BCCIP: variants seen among roughly 807,000 people sequenced by gnomAD.
BCCIP encodes the protein BRCA2 and CDKN1A-interacting protein.
A neutral mutation model predicts 32.8 loss-of-function variants in BCCIP; 23 were observed. That is an observed-to-expected ratio of 0.70 (90% CI 0.51 to 0.99). The LOEUF (loss-of-function observed/expected upper bound fraction) is 0.99. BCCIP is among the 50% of genes least tolerant of loss of function. The probability of loss-of-function intolerance (pLI) is 0.00; values close to 1 mark genes in which losing one functional copy is unlikely to be tolerated. For missense variants in BCCIP, 378 were observed against 379.8 expected, an observed-to-expected ratio of 1.00 and a Z score of 0.04; for synonymous variants, 144 against 137.6, an observed-to-expected ratio of 1.05 and a Z score of -0.33.
chr10:125,839,009 A>C, downstream of BCCIP: 1 of 1,613,796 alleles, frequency 6.2e-7, no homozygotes, highest in Middle Eastern at 1.7e-4. Flanking sequence ...ACCTGCATAA[A>C]GTAACCGGAC....
chr10:125,831,523 C>T lies in BCCIP; in HGVS notation c.515C>T (p.Thr172Ile). The change falls in exon 5 of 7, where the codon ACC becomes ATC. Residue 172 changes from threonine to isoleucine, a missense_variant. Transcript: ENST00000278100. ...VEQLDKFLND[T>I]TKPVGLLLSE... ...CAGCTGGACAAGTTTTTAAATGACA[C>T]CACCAAGCCTGTGGGCCTTCTCCTA... 1 of 1,614,198 alleles carries T rather than the reference C, an allele frequency of 6.2e-7. No individual in the cohort carries two copies. Among genetic ancestry groups the T allele is most frequent in the South Asian group, 1.1e-5 (1 of 91,086 alleles).
downstream of BCCIP, among the ~76,000 whole-genome samples, chr10:125,837,961 C>T (rs1207389598): frequency 6.6e-6 from 1 of 152,160 alleles, no homozygotes; most frequent in South Asian, 2.1e-4. Context: ...AGCATTCTGT[C>T]CTTCTTAAAG....
At chr10:125,850,267 C>A (rs1215361762) in intron 7 of BCCIP, among the ~76,000 whole-genome samples, 1 of 151,760 alleles carries the variant, frequency 6.6e-6, no homozygotes, top group East Asian at 1.9e-4. Context: ...TGTGAGCCAC[C>A]ATGCCCAGCC....
At chr10:125,852,683 A>T in intron 7 of BCCIP, 1 of 1,547,054 alleles carries the variant, frequency 6.5e-7, no homozygotes. Context: ...CAGATAAGTC[A>T]TGATTCAGTA....
At chr10:125,826,996 T>TAA in intron 2 of BCCIP, among the ~76,000 whole-genome samples, 1 of 129,314 alleles carries the variant, frequency 7.7e-6, no homozygotes, top group East Asian at 2.2e-4. Context: ...CCTCTGTCTC[T>TAA]AAAAAAAAAG....
chr10:125,852,199 C>T, intron 7 of BCCIP: 1 of 1,455,080 alleles, frequency 6.9e-7, no homozygotes, highest in East Asian at 2.4e-5. Context: ...TGCTTGTGTG[C>T]ATTGCTGCGC....
Position 125,852,354 on chromosome 10 carries a change from C to T in BCCIP, c.851-771C>T. On this transcript the variant is annotated intron_variant, in intron 7 of 7. Transcript: ENST00000368759. ...CAATGTCTATCCTCTTCATAAAAAG[C>T]ACCATGCTTGTTAGGTTGGCTTCCT... The T allele has an allele frequency of 1.2e-6, 2 of 1,614,196 alleles. No individual in the cohort carries two copies. The highest frequency in any genetic ancestry group is 2.2e-5 in the East Asian group (1 of 44,890).
At chr10:125,825,866 T>C (rs1245185286) in intron 1 of BCCIP, 1 of 152,256 alleles carries the variant, frequency 6.6e-6, no homozygotes, top group Non-Finnish European at 1.5e-5. Context: ...TTCTGTTGTC[T>C]TGCAGATAGA....
At chr10:125,827,523 G>T (rs1854425800) in intron 2 of BCCIP, 35 bp from the exon 3 acceptor site, 1 of 1,356,688 alleles carries the variant, frequency 7.4e-7, no homozygotes, top group East Asian at 2.3e-5. Context: ...ATCATGCTTT[G>T]ATCTTAATTT....
exon 8 of BCCIP, chr10:125,853,338 G>T: frequency 1.5e-6 from 1 of 646,878 alleles, no homozygotes; most frequent in Non-Finnish European, 2.4e-6. Context: ...TGTTAGTTTC[G>T]TTTGAGATCT....
At chr10:125,851,874 T>G (rs1183359619) in intron 7 of BCCIP, among the ~76,000 whole-genome samples, 1 of 133,584 alleles carries the variant, frequency 7.5e-6, no homozygotes, top group Non-Finnish European at 1.5e-5. Flanking sequence ...TGAGCTATGA[T>G]CACGCCACTG....
intron 4 of BCCIP, among the ~76,000 whole-genome samples, chr10:125,830,872 G>C (rs778731807): frequency 2.6e-5 from 4 of 152,198 alleles, no homozygotes; most frequent in African/African-American, 7.2e-5. Flanking sequence ...GGAATCATCT[G>C]GCTTTGCAGT....
At chr10:125,826,551 T>C (rs1243032935) in intron 1 of BCCIP, 40 bp from the exon 2 acceptor site, 1 of 1,611,020 alleles carries the variant, frequency 6.2e-7, no homozygotes, top group African/African-American at 1.3e-5. Flanking sequence ...TAGATGTTTG[T>C]AGTTTTTCTG....
chr10:125,824,126 T>C (rs1039766002), intron 1 of BCCIP, among the ~76,000 whole-genome samples: 1 of 152,198 alleles, frequency 6.6e-6, no homozygotes, highest in African/African-American at 2.4e-5. Flanking sequence ...CTCAGTTTCT[T>C]GAAGGCTCTT....
downstream of BCCIP, among the ~76,000 whole-genome samples, chr10:125,844,084 T>G (rs1347087171): frequency 6.6e-6 from 1 of 152,200 alleles, no homozygotes; most frequent in Non-Finnish European, 1.5e-5. Flanking sequence ...ACCTTTGGAC[T>G]AACCATGACC....
At chr10:125,839,247 C>T (rs1221162209), downstream of BCCIP, 6 of 1,551,428 alleles carry the variant, frequency 3.9e-6, no homozygotes, top group Non-Finnish European at 5.3e-6. Flanking sequence ...TCTGAAGAGC[C>T]CAGGCCAGGC....
exon 7 of BCCIP, chr10:125,841,623 A>G (rs2134027425): frequency 6.8e-7 from 1 of 1,475,112 alleles, no homozygotes; most frequent in Non-Finnish European, 8.9e-7. Context: ...CAAAAGGTTA[A>G]ATGAGTTGAT....
At chr10:125,823,781 C>A (rs1336852690) in intron 1 of BCCIP, 59 bp downstream of exon 1, 22 of 1,592,612 alleles carry the variant, frequency 1.4e-5, no homozygotes, top group Non-Finnish European at 1.7e-5. Flanking sequence ...TTGGCAAGCC[C>A]AGGCTGTGTA....
At chr10:125,833,974 A>G (rs767112617) in intron 6 of BCCIP, 28 bp downstream of exon 6, 1 of 1,604,698 alleles carries the variant, frequency 6.2e-7, no homozygotes, top group East Asian at 2.2e-5. Flanking sequence ...ATTTGTTTAG[A>G]TGTAAATAAG....
Sources: gnomAD v4.1 joint callset for allele counts (sites outside exome capture counted in the v4.1 genomes callset) on GRCh38, gnomAD v4.1.1 for gene constraint, MANE v1.5 for transcripts, NCBI Gene and HGNC (gene_info 2026-07-23, HGNC 2026-07-21) for gene names.